The following MCTP1 variants were observed in gnomAD, a reference collection of about 807,000 sequenced individuals.
The protein encoded by MCTP1 is multiple C2 and transmembrane domain containing 1, also known as multiple C2 and transmembrane domain-containing protein 1.
A neutral mutation model predicts 120.6 loss-of-function variants in MCTP1; 69 were observed. The observed-to-expected ratio is 0.57, with a 90% CI of 0.47 to 0.70. The LOEUF is 0.70. MCTP1 is among the 30% of genes least tolerant of loss of function. MCTP1 has a pLI of 0.00. For synonymous variants in MCTP1, 529 were observed against 493.1 expected, an observed-to-expected ratio of 1.07 and a Z score of -0.96; for missense variants, 1,203 against 1,248.8, an observed-to-expected ratio of 0.96 and a Z score of 0.55.
chr5:95,143,980 A>G (rs1004444016), intron 1 of MCTP1, among the ~76,000 whole-genome samples: 2 of 152,158 alleles, frequency 1.3e-5, no homozygotes, highest in African/African-American at 4.8e-5. Flanking sequence ...AAATCTCCAA[A>G]CTGCATTCAT....
chr5:95,237,212 T>C (rs1755639281), intron 1 of MCTP1, among the ~76,000 whole-genome samples: 1 of 152,098 alleles, frequency 6.6e-6, no homozygotes, highest in Admixed American at 6.6e-5. Context: ...GTCTGGAGGA[T>C]GTAGTGTGTG....
At chr5:94,753,684 A>T (rs1769051869) in intron 19 of MCTP1, among the ~76,000 whole-genome samples, 1 of 152,220 alleles carries the variant, frequency 6.6e-6, no homozygotes, top group South Asian at 2.1e-4. Flanking sequence ...CTCTCTTAGC[A>T]AACAAACTCT....
intron 2 of MCTP1, chr5:94,980,924 G>A (rs979270502): frequency 6.6e-6 from 1 of 151,914 alleles, no homozygotes; most frequent in African/African-American, 2.4e-5. Flanking sequence ...GGTTATATAA[G>A]TTTTATAAGT....
intron 19 of MCTP1, among the ~76,000 whole-genome samples, chr5:94,775,524 T>C (rs1297996553): frequency 6.6e-6 from 1 of 152,128 alleles, no homozygotes; most frequent in Non-Finnish European, 1.5e-5. Context: ...AAGGCAGGAT[T>C]TGGTGTCAGG....
intron 1 of MCTP1, among the ~76,000 whole-genome samples, chr5:95,049,009 TACTAA>T (rs1339277575): frequency 2.0e-5 from 3 of 152,154 alleles, no homozygotes; most frequent in African/African-American, 7.2e-5. Flanking sequence ...AGATATTGGA[TACTAA>T]AAGGCACTGG....
At chr5:95,214,180 C>T (rs1752758046) in intron 1 of MCTP1, among the ~76,000 whole-genome samples, 1 of 152,272 alleles carries the variant, frequency 6.6e-6, no homozygotes, top group South Asian at 2.1e-4. Context: ...AAAAAACAAA[C>T]AACCCCATCT....
At chr5:94,935,336 A>G (rs1815910038) in intron 5 of MCTP1, among the ~76,000 whole-genome samples, 1 of 152,002 alleles carries the variant, frequency 6.6e-6, no homozygotes, top group South Asian at 2.1e-4. Context: ...GGCAATCCAC[A>G]CAAGGAGAAA....
At chr5:95,024,578 C>T (rs1440364217) in intron 1 of MCTP1, among the ~76,000 whole-genome samples, 4 of 151,780 alleles carry the variant, frequency 2.6e-5, no homozygotes, top group Admixed American at 2.6e-4. Context: ...TTCAACACCC[C>T]TATTCAACGT....
At chr5:94,796,131 T>C (rs944094759) in intron 18 of MCTP1, among the ~76,000 whole-genome samples, 2 of 152,244 alleles carry the variant, frequency 1.3e-5, no homozygotes, top group Non-Finnish European at 2.9e-5. Flanking sequence ...GTTTCTTTTC[T>C]TTTCTTCTTC....
At chr5:95,019,666 C>T (rs897610716) in intron 1 of MCTP1, among the ~76,000 whole-genome samples, 1 of 152,008 alleles carries the variant, frequency 6.6e-6, no homozygotes, top group Admixed American at 6.6e-5. Flanking sequence ...TACAAGAGTG[C>T]CTATTTTCCA....
intron 2 of MCTP1, among the ~76,000 whole-genome samples, chr5:95,015,063 T>C (rs1836821010): frequency 6.6e-6 from 1 of 152,138 alleles, no homozygotes; most frequent in Admixed American, 6.6e-5. Flanking sequence ...TTAAGGTACA[T>C]ACATTTTTAG....
At chr5:95,038,158 C>T (rs578200379) in intron 1 of MCTP1, 13 of 980,794 alleles carry the variant, frequency 1.3e-5, no homozygotes, top group Middle Eastern at 5.3e-4. Flanking sequence ...CTCAGTTGTG[C>T]GAATAGCAAG....
intron 1 of MCTP1, among the ~76,000 whole-genome samples, chr5:95,162,904 A>G (rs1745907011): frequency 6.6e-6 from 1 of 152,208 alleles, no homozygotes; most frequent in Non-Finnish European, 1.5e-5. Flanking sequence ...AGGAACTAGG[A>G]TTAAATACTC....
intron 20 of MCTP1, among the ~76,000 whole-genome samples, chr5:94,714,249 T>C (rs961464334): frequency 6.6e-6 from 1 of 152,188 alleles, no homozygotes; most frequent in Non-Finnish European, 1.5e-5. Context: ...GTGCATTTTC[T>C]AAATGACAGA....
chr5:95,009,290 A>G (rs1835445370), intron 2 of MCTP1, among the ~76,000 whole-genome samples: 1 of 152,176 alleles, frequency 6.6e-6, no homozygotes, highest in African/African-American at 2.4e-5. Flanking sequence ...AATGGCTATT[A>G]CCAGATATAT....
chr5:94,889,823 C>T (rs1371733842), intron 11 of MCTP1, among the ~76,000 whole-genome samples: 3 of 150,500 alleles, frequency 2.0e-5, no homozygotes, highest in Non-Finnish European at 4.4e-5. Context: ...AGTAGATTTT[C>T]TGAAAGAATA....
intron 19 of MCTP1, among the ~76,000 whole-genome samples, chr5:94,738,860 G>A (rs1764871421): frequency 1.3e-5 from 2 of 152,106 alleles, no homozygotes; most frequent in South Asian, 2.1e-4. Flanking sequence ...TAAATACTTC[G>A]GTTGTGTCCA....
At chr5:94,858,394 T>A (rs949997085) in intron 17 of MCTP1, among the ~76,000 whole-genome samples, 2 of 151,666 alleles carry the variant, frequency 1.3e-5, no homozygotes, top group Admixed American at 1.3e-4. Flanking sequence ...AAGGTACACA[T>A]TTATTACTTA....
intron 1 of MCTP1, among the ~76,000 whole-genome samples, chr5:95,250,309 T>C (rs1012679694): frequency 6.6e-6 from 1 of 152,162 alleles, no homozygotes; most frequent in African/African-American, 2.4e-5. Context: ...CCCATGGGAC[T>C]TGGGGGCTGA....
Sources: allele counts gnomAD v4.1 joint callset (sites outside exome capture counted in the v4.1 genomes callset), GRCh38; gene constraint gnomAD v4.1.1; transcripts MANE v1.5; gene names NCBI Gene and HGNC (gene_info 2026-07-23, HGNC 2026-07-21).